The following PCCA variants were observed in gnomAD, a reference collection of about 807,000 sequenced individuals.
The protein encoded by PCCA is propionyl-CoA carboxylase subunit alpha.
Under a neutral mutation model 101.3 loss-of-function variants are expected in PCCA, and 74 were observed. The ratio of observed to expected loss-of-function variants is 0.73; its 90% CI spans 0.61 to 0.89. The LOEUF (loss-of-function observed/expected upper bound fraction) is 0.89. Ranked by LOEUF, PCCA falls within the 40% of genes least tolerant of loss-of-function variation. The probability of loss-of-function intolerance (pLI) is 0.00; values close to 1 mark genes in which losing one functional copy is unlikely to be tolerated. For missense variants in PCCA, 891 were observed against 907.0 expected, an observed-to-expected ratio of 0.98 and a Z score of 0.23; for synonymous variants, 294 against 313.6, an observed-to-expected ratio of 0.94 and a Z score of 0.66.
At chr13:100,286,073 T>C (rs981392762) in intron 12 of PCCA, among the ~76,000 whole-genome samples, 8 of 152,182 alleles carry the variant, frequency 5.3e-5, no homozygotes, top group African/African-American at 1.9e-4. Context: ...TGCATACCCC[T>C]CTGCATGTGT....
chr13:100,247,215 G>GTTTTTTTT (rs143058621), intron 8 of PCCA, among the ~76,000 whole-genome samples: 1 of 108,244 alleles, frequency 9.2e-6, no homozygotes, highest in African/African-American at 3.7e-5. Flanking sequence ...GCCTGTGTGG[G>GTTTTTTTT]TTTTTTTTTT....
chr13:100,116,061 G>C (rs7993067), intron 4 of PCCA, among the ~76,000 whole-genome samples: 16,609 of 152,174 alleles, frequency 0.11, 1,024 homozygotes, highest in Middle Eastern at 0.17. Flanking sequence ...TCTCAAGGAG[G>C]CTGAAAAGGT....
intron 21 of PCCA, among the ~76,000 whole-genome samples, chr13:100,471,303 A>C (rs2082991230): frequency 6.6e-6 from 1 of 152,204 alleles, no homozygotes; most frequent in Admixed American, 6.5e-5. Context: ...AAACAATTTC[A>C]ATGGTAACAT....
intron 1 of PCCA, 129 bp from the exon 2 acceptor site, chr13:100,102,754 G>A: frequency 1.5e-6 from 1 of 681,168 alleles, no homozygotes; most frequent in South Asian, 1.6e-5. Flanking sequence ...TATATTTATG[G>A]TATATTGCCT....
intron 9 of PCCA, among the ~76,000 whole-genome samples, chr13:100,258,915 C>T (rs1231854047): frequency 6.6e-6 from 1 of 152,152 alleles, no homozygotes; most frequent in Non-Finnish European, 1.5e-5. Context: ...TTGTTGAGAT[C>T]AACACAGGCG....
In PCCA at chr13:100,342,574, G is replaced by A. The variant is rs988561443; in HGVS notation, c.1643+2315G>A. 6.6e-5 allele frequency among the ~76,000 whole-genome samples: 10 copies of A among 151,742 alleles called. No homozygotes were observed. The South Asian group carries it at 1.5e-3, about 22-fold the overall frequency. ...TGAGCCACCGCGCCCAGCCTTACCT[G>A]TACAGTTTTAACAAAGGGATGCTTG... is the stretch of plus-strand genomic sequence containing the variant. On this transcript the variant is annotated intron_variant, in intron 18 of 23. Coordinates refer to ENST00000376285, the MANE Select transcript of PCCA (RefSeq NM_000282.4).
intron 7 of PCCA, among the ~76,000 whole-genome samples, chr13:100,231,161 C>CT (rs2060446618): frequency 6.6e-6 from 1 of 152,220 alleles, no homozygotes; most frequent in Non-Finnish European, 1.5e-5. Flanking sequence ...ATAATCATTC[C>CT]TTAGCTGCTG....
chr13:100,127,223 A>G (rs541296873), intron 4 of PCCA, among the ~76,000 whole-genome samples: 1 of 152,320 alleles, frequency 6.6e-6, no homozygotes, highest in South Asian at 2.1e-4. Flanking sequence ...TGCTATTTAA[A>G]TTCAATAAAA....
chr13:100,268,405 C>T (rs542311375), intron 10 of PCCA, among the ~76,000 whole-genome samples: 2 of 152,306 alleles, frequency 1.3e-5, no homozygotes, highest in East Asian at 3.9e-4. Context: ...CAGTGTCCTT[C>T]ACAAAATTTG....
intron 6 of PCCA, among the ~76,000 whole-genome samples, chr13:100,167,496 G>A (rs1212440384): frequency 6.6e-6 from 1 of 152,138 alleles, no homozygotes; most frequent in African/African-American, 2.4e-5. Flanking sequence ...GCTGCAGTGA[G>A]CTGTGGAGTG....
intron 19 of PCCA, among the ~76,000 whole-genome samples, chr13:100,400,260 CG>C (rs975889093): frequency 6.6e-6 from 1 of 152,128 alleles, no homozygotes; most frequent in African/African-American, 2.4e-5. Context: ...GTTTAGTATG[CG>C]GGGTGACTTC....
intron 4 of PCCA, among the ~76,000 whole-genome samples, chr13:100,138,382 A>G (rs1400884226): frequency 6.6e-6 from 1 of 152,194 alleles, no homozygotes; most frequent in Non-Finnish European, 1.5e-5. Flanking sequence ...TCATGCAGGT[A>G]TCTACATTCT....
intron 15 of PCCA, among the ~76,000 whole-genome samples, chr13:100,309,017 T>C (rs1254962207): frequency 1.3e-5 from 2 of 151,866 alleles, no homozygotes; most frequent in Non-Finnish European, 1.5e-5. Flanking sequence ...GTATATTATA[T>C]GTAAAACTGC....
At chr13:100,184,189 A>G (rs965927203) in intron 6 of PCCA, among the ~76,000 whole-genome samples, 1 of 152,108 alleles carries the variant, frequency 6.6e-6, no homozygotes, top group African/African-American at 2.4e-5. Context: ...GGTTATAACT[A>G]TAGTAGTTAT....
intron 20 of PCCA, among the ~76,000 whole-genome samples, chr13:100,431,495 G>A (rs2079546322): frequency 1.3e-5 from 2 of 152,134 alleles, no homozygotes; most frequent in South Asian, 4.2e-4. Context: ...CTACTCCTAA[G>A]CTCACAAAGA....
At chr13:100,262,633 CTATT>C in intron 9 of PCCA, 92 bp from the exon 10 acceptor site, 4 of 738,414 alleles carry the variant, frequency 5.4e-6, no homozygotes, top group Non-Finnish European at 9.8e-6. Context: ...AATGATAGCT[CTATT>C]TGTTTTGTTA....
intron 20 of PCCA, among the ~76,000 whole-genome samples, chr13:100,438,485 G>C (rs1365257398): frequency 6.6e-6 from 1 of 152,068 alleles, no homozygotes; most frequent in Non-Finnish European, 1.5e-5. Flanking sequence ...TCTCGTGAAT[G>C]CCTCCTGATT....
chr13:100,473,873 T>C lies in PCCA; in HGVS notation c.1899+24568T>C, dbSNP rs569942985. Among the ~76,000 whole-genome samples, 239 of 152,362 alleles carry C rather than the reference T, an allele frequency of 1.6e-3. 1 individual carries two copies. Among genetic ancestry groups the C allele is most frequent in the African/African-American group, 5.5e-3 (230 of 41,584 alleles). On this transcript the variant is annotated intron_variant, in intron 21 of 23. Coordinates refer to ENST00000376285, the MANE Select transcript of PCCA (RefSeq NM_000282.4). Reference sequence around the variant, plus strand: ...CTTATCGCACAATGACATCGTGTCTTGTAACTTAATTTCTGGGGACAACAC... The same window carrying C: ...CTTATCGCACAATGACATCGTGTCTCGTAACTTAATTTCTGGGGACAACAC...
At chr13:100,525,849 C>T (rs12864647) in intron 22 of PCCA, among the ~76,000 whole-genome samples, 2 of 152,310 alleles carry the variant, frequency 1.3e-5, no homozygotes, top group Admixed American at 6.5e-5. Flanking sequence ...GCATGCAGTC[C>T]CCAGGAAGCT....
Sources: gnomAD v4.1 joint callset for allele counts (sites outside exome capture counted in the v4.1 genomes callset) on GRCh38, gnomAD v4.1.1 for gene constraint, MANE v1.5 for transcripts, NCBI Gene and HGNC (gene_info 2026-07-23, HGNC 2026-07-21) for gene names.